The following ADGRV1 variants were observed in gnomAD, a reference collection of about 807,000 sequenced individuals.
ADGRV1 encodes the protein G-protein coupled receptor 98.
A neutral mutation model predicts 596.2 loss-of-function variants in ADGRV1; 359 were observed. The ratio of observed to expected loss-of-function variants is 0.60; its 90% confidence interval spans 0.55 to 0.66. The LOEUF is 0.66. Ranked by LOEUF, ADGRV1 falls within the 30% of genes least tolerant of loss-of-function variation. The pLI, the probability that ADGRV1 is intolerant of heterozygous loss-of-function variation, is 0.00. For synonymous variants in ADGRV1, 2,681 were observed against 2,679.2 expected (o/e 1.00, Z -0.02); for missense variants, 7,274 against 7,575.6 (o/e 0.96, Z 1.48).
At chr5:91,118,747 A>G (rs746449240) in intron 87 of ADGRV1, among the ~76,000 whole-genome samples, 3 of 152,040 alleles carry the variant, frequency 2.0e-5, no homozygotes, top group Non-Finnish European at 2.9e-5. Flanking sequence ...TTCCTCGAGC[A>G]CTTTTTTTTT....
intron 83 of ADGRV1, among the ~76,000 whole-genome samples, chr5:90,925,225 A>G (rs893588486): frequency 2.0e-5 from 3 of 151,878 alleles, no homozygotes; most frequent in Admixed American, 1.3e-4. Context: ...CTTGGGCAGT[A>G]TGGCCATTTT....
chr5:90,563,584 G>A (rs1755150270), intron 1 of ADGRV1, among the ~76,000 whole-genome samples: 1 of 152,210 alleles, frequency 6.6e-6, no homozygotes, highest in African/African-American at 2.4e-5. Flanking sequence ...CACTGTTAAT[G>A]GTTTCTCATG....
At chr5:91,107,379 G>A (rs1791976223) in intron 87 of ADGRV1, among the ~76,000 whole-genome samples, 1 of 152,160 alleles carries the variant, frequency 6.6e-6, no homozygotes, top group Non-Finnish European at 1.5e-5. Flanking sequence ...GAACAGAAGA[G>A]ATAGAGGGCT....
chr5:91,061,603 C>G (rs978524319), intron 85 of ADGRV1, among the ~76,000 whole-genome samples: 3 of 152,172 alleles, frequency 2.0e-5, no homozygotes, highest in African/African-American at 7.2e-5. Context: ...AATACCTGCT[C>G]TTTTCGAATT....
At chr5:90,571,272 C>A (rs1474369929) in intron 1 of ADGRV1, among the ~76,000 whole-genome samples, 1 of 151,958 alleles carries the variant, frequency 6.6e-6, no homozygotes, top group African/African-American at 2.4e-5. Flanking sequence ...TTGAAGAATA[C>A]CTTTAGCATT....
intron 50 of ADGRV1, among the ~76,000 whole-genome samples, chr5:90,741,371 T>A (rs567639271): frequency 4.4e-5 from 3 of 67,742 alleles, no homozygotes; most frequent in African/African-American, 7.9e-5. Context: ...ACAACTTGAG[T>A]GACTTATCAT....
At chr5:90,976,021 T>C (rs1779542820) in intron 84 of ADGRV1, among the ~76,000 whole-genome samples, 1 of 151,968 alleles carries the variant, frequency 6.6e-6, no homozygotes, top group Non-Finnish European at 1.5e-5. Context: ...GTACAAAACA[T>C]AATCGAATAC....
At chr5:90,818,026 T>C (rs942703049) in intron 75 of ADGRV1, among the ~76,000 whole-genome samples, 1 of 152,044 alleles carries the variant, frequency 6.6e-6, no homozygotes, top group African/African-American at 2.4e-5. Context: ...TTTCACGATA[T>C]TGATTCTTCC....
intron 78 of ADGRV1, among the ~76,000 whole-genome samples, chr5:90,841,254 C>T (rs1765401101): frequency 6.6e-6 from 1 of 152,022 alleles, no homozygotes; most frequent in African/African-American, 2.4e-5. Flanking sequence ...AAAAAAGGCT[C>T]CAGAGGTTGG....
In ADGRV1 at chr5:90,675,353, T is replaced by C. The variant is rs371831553; in HGVS notation, c.5221T>C (p.Leu1741=). ...GGAGGAGGAAGATGGAGAAATCAGG[T>C]TATTGGTCATCCGTGCACAGGGACT... ...TVEEEDGEIR[L]LVIRAQGLLG... The change falls in exon 24 of 90, where the codon TTA becomes CTA. Residue 1741 remains leucine, a synonymous_variant. Coordinates refer to ENST00000405460, the MANE Select transcript of ADGRV1 (RefSeq NM_032119.4). The C allele has an allele frequency of 1.5e-3, 2,476 of 1,613,744 alleles. 3 individuals are homozygous for C. The highest frequency in any genetic ancestry group is 2.0e-3 in the Non-Finnish European group (2,407 of 1,179,812).
intron 62 of ADGRV1, 31 bp from the exon 63 acceptor site, chr5:90,778,396 C>G: frequency 6.3e-7 from 1 of 1,589,520 alleles, no homozygotes; most frequent in East Asian, 2.2e-5. Flanking sequence ...TCCACAGATT[C>G]TACTGTTGAT....
intron 87 of ADGRV1, among the ~76,000 whole-genome samples, chr5:91,105,913 T>C (rs1791822516): frequency 6.6e-6 from 1 of 151,080 alleles, no homozygotes; most frequent in African/African-American, 2.4e-5. Flanking sequence ...ATTTTTATAA[T>C]TTTATAAATA....
chr5:90,596,169 C>T (rs1307605964), intron 1 of ADGRV1, among the ~76,000 whole-genome samples: 10 of 142,026 alleles, frequency 7.0e-5, no homozygotes, highest in South Asian at 2.3e-4. Flanking sequence ...GGGGCAGAGG[C>T]GCTCCCCACA....
intron 85 of ADGRV1, among the ~76,000 whole-genome samples, chr5:90,996,800 G>A (rs188055860): frequency 2.8e-4 from 42 of 152,338 alleles, no homozygotes; most frequent in Admixed American, 9.8e-4. Context: ...GGGAGCCCAC[G>A]CCTAGTGTCA....
intron 1 of ADGRV1, among the ~76,000 whole-genome samples, chr5:90,590,633 G>GA (rs1759366063): frequency 6.6e-6 from 1 of 152,164 alleles, no homozygotes; most frequent in Non-Finnish European, 1.5e-5. Context: ...TTTTGGTTTA[G>GA]CAAGTCACCA....
intron 83 of ADGRV1, among the ~76,000 whole-genome samples, chr5:90,924,845 A>C (rs1774257832): frequency 6.6e-6 from 1 of 151,932 alleles, no homozygotes; most frequent in Non-Finnish European, 1.5e-5. Flanking sequence ...TCAGCTTTCT[A>C]CATATGGCTA....
chr5:91,007,565 T>C (rs1261446070), intron 85 of ADGRV1, among the ~76,000 whole-genome samples: 1 of 152,190 alleles, frequency 6.6e-6, no homozygotes, highest in Non-Finnish European at 1.5e-5. Flanking sequence ...TTTTTCTTGA[T>C]AATATTGATT....
chr5:90,657,787 AG>A (rs1769634638), intron 20 of ADGRV1, 117 bp from the exon 21 acceptor site: 2 of 1,069,158 alleles, frequency 1.9e-6, no homozygotes, highest in African/African-American at 3.2e-5. Context: ...GTTATGCAAA[AG>A]TTTCATTTAT....
At chr5:90,783,020 C>T (rs950871745) in intron 65 of ADGRV1, 104 bp from the exon 66 acceptor site, 2 of 847,054 alleles carry the variant, frequency 2.4e-6, no homozygotes, top group African/African-American at 1.7e-5. Flanking sequence ...ACATAGAGTG[C>T]TTACTTTGTG....
Sources: gnomAD v4.1 joint callset for allele counts (sites outside exome capture counted in the v4.1 genomes callset) on GRCh38, gnomAD v4.1.1 for gene constraint, MANE v1.5 for transcripts, NCBI Gene and HGNC (gene_info 2026-07-23, HGNC 2026-07-21) for gene names.